TCF20: variants seen among roughly 807,000 people sequenced by gnomAD.
TCF20 encodes SPRE-binding protein.
TCF20 carries 3 observed loss-of-function variants against 148.6 expected under a neutral mutation model. The ratio of observed to expected loss-of-function variants is 0.02; its 90% CI spans 0.01 to 0.05. The LOEUF is 0.05. TCF20 is among the 10% of genes least tolerant of loss of function. The pLI is 1.00. For missense variants in TCF20, 2,350 were observed against 2,429.3 expected (o/e 0.97, Z 0.69); for synonymous variants, 1,049 against 909.5 (o/e 1.15, Z -2.76).
At chr22:42,194,811 G>A (rs1277374863) in intron 2 of TCF20, among the ~76,000 whole-genome samples, 1 of 151,920 alleles carries the variant, frequency 6.6e-6, no homozygotes, top group African/African-American at 2.4e-5. Flanking sequence ...TCTAGTAGTG[G>A]CAGGTCCAAG....
chr22:42,229,634 C>G (rs74915033), intron 1 of TCF20, among the ~76,000 whole-genome samples: 2,025 of 152,276 alleles, frequency 0.013, 22 homozygotes, highest in Non-Finnish European at 0.022. Flanking sequence ...AACCATACTG[C>G]TCACTATTGG....
chr22:42,323,937 G>A lies in TCF20; in HGVS notation c.-37+19542C>T, dbSNP rs375581345. On this transcript the variant is annotated intron_variant, in intron 1 of 1. Coordinates refer to the TCF20 transcript ENST00000515426. ...TGGTGATGGAGGTTATGGTGGTGGT[G>A]GTGGTGATGGAGGTTATGGTGGTGG... Among the ~76,000 whole-genome samples, 170 of 111,698 alleles carry A rather than the reference G, an allele frequency of 1.5e-3. No homozygotes were observed. In the East Asian group the frequency reaches 0.032, roughly 21 times the overall value. The allele number at this position is 111,698 out of a possible 152,430, so 73.3% of individuals were successfully genotyped here.
intron 1 of TCF20, among the ~76,000 whole-genome samples, chr22:42,321,194 G>A (rs902649196): frequency 6.6e-6 from 1 of 152,220 alleles, no homozygotes; most frequent in South Asian, 2.1e-4. Context: ...TCTCAGTGAC[G>A]GACAGAGGCT....
At chr22:42,248,787 T>G (rs755871293) in intron 1 of TCF20, among the ~76,000 whole-genome samples, 1 of 152,212 alleles carries the variant, frequency 6.6e-6, no homozygotes, top group Non-Finnish European at 1.5e-5. Flanking sequence ...AGTTACACCA[T>G]GCTAGGTGGA....
intron 1 of TCF20, among the ~76,000 whole-genome samples, chr22:42,263,752 A>G (rs530981217): frequency 1.6e-4 from 25 of 152,272 alleles, no homozygotes; most frequent in Non-Finnish European, 3.4e-4. Context: ...TCTCTCCTTG[A>G]TATCTTAAGA....
At chr22:42,227,080 C>T (rs1922977272) in intron 1 of TCF20, among the ~76,000 whole-genome samples, 1 of 152,172 alleles carries the variant, frequency 6.6e-6, no homozygotes, top group Non-Finnish European at 1.5e-5. Context: ...GCCAGGAGTT[C>T]AAGACCAGCC....
chr22:42,208,308 G>GA (rs527242822), intron 2 of TCF20, among the ~76,000 whole-genome samples: 4 of 151,856 alleles, frequency 2.6e-5, no homozygotes, highest in Admixed American at 1.3e-4. Flanking sequence ...AAAATATCAA[G>GA]AAAAAAAATA....
chr22:42,179,665 C>T lies in TCF20; in HGVS notation c.5693G>A (p.Gly1898Asp). ...SHCQEAGATL[G>D]CYNKGCSFRY... The stretch of plus-strand genomic sequence containing the variant: ...GAAGGAGCAGCCTTTGTTGTAGCAG[C>T]CCAAGGTGGCGCCTGCCTCCTGGCA... Residue 1898 changes from glycine to aspartate, a missense_variant, in exon 3 of 6, where the codon GGC becomes GAC. This residue lies in a region of TCF20 where 30 missense variants were observed against 59.5 expected (regional missense o/e 0.50). Coordinates refer to ENST00000677622, the MANE Select transcript of TCF20 (RefSeq NM_001378418.1). 6.2e-7 allele frequency: 1 copy of T among 1,614,014 alleles called. No individual in the cohort carries two copies. The highest frequency in any genetic ancestry group is 8.5e-7 in the Non-Finnish European group (1 of 1,179,988).
At position 42,191,236 on chromosome 22, in the gene TCF20, AATG is replaced by A. The variant is rs545453579; in HGVS notation, c.5656-11537_5656-11535del. Among the ~76,000 whole-genome samples the A allele has an allele frequency of 5.3e-5, 8 of 152,314 alleles. No homozygotes were observed. In the South Asian group the frequency reaches 1.5e-3, roughly 28 times the overall value. On this transcript the variant is annotated intron_variant, in intron 2 of 5. Transcript: ENST00000677622. Reference sequence around the variant, plus strand: ...TCAGAAGGCCAACACAGGTGTCACTAATGATGTTTCTTTGTGCTAACCAAACTT... The same window carrying A: ...TCAGAAGGCCAACACAGGTGTCACTAATGTTTCTTTGTGCTAACCAAACTT...
At position 42,279,630 on chromosome 22, in the gene TCF20, G is replaced by A. The variant is rs565647942; in HGVS notation, c.-37+4197C>T. 2.0e-4 allele frequency among the ~76,000 whole-genome samples: 30 copies of A among 152,334 alleles called. No homozygotes were observed. The highest frequency in any genetic ancestry group is 3.4e-3 in the Middle Eastern group (1 of 294). ...GCACACAGTGACTGCGCTTCTCAGT[G>A]CCACAAGTGCTGTTGCCATCATTCC... On this transcript the variant is annotated intron_variant, in intron 1 of 5. Transcript: ENST00000359486. This position sits in a 1 kb window ranked among gnomAD's most constrained non-coding sequence, Gnocchi z 4.3.
upstream of TCF20, among the ~76,000 whole-genome samples, chr22:42,271,929 C>A (rs1007676226): frequency 3.9e-5 from 6 of 151,926 alleles, no homozygotes; most frequent in African/African-American, 1.5e-4. Flanking sequence ...CCCCACCTAG[C>A]CATTGCCTTT....
At chr22:42,310,721 G>T (rs1268626772) in intron 1 of TCF20, among the ~76,000 whole-genome samples, 1 of 152,170 alleles carries the variant, frequency 6.6e-6, no homozygotes, top group Admixed American at 6.5e-5. Context: ...CCAGGCAATG[G>T]GTGGCCAGGC....
In TCF20 at chr22:42,299,774, T is replaced by G; in HGVS notation, c.-37+43705A>C. 6.8e-6 allele frequency among the ~76,000 whole-genome samples: 1 copy of G among 147,210 alleles called. No homozygotes were observed. Among genetic ancestry groups the G allele is most frequent in the Non-Finnish European group, 1.5e-5 (1 of 66,704 alleles). Reference sequence around the variant, plus strand: ...TAGCAGGTACCTGGAGTGGGGTCGGTAAGAGAGAATAGCAGAGGAGGAGGA... The same window carrying G: ...TAGCAGGTACCTGGAGTGGGGTCGGGAAGAGAGAATAGCAGAGGAGGAGGA... On this transcript the variant is annotated intron_variant, in intron 1 of 1. Coordinates refer to the TCF20 transcript ENST00000515426. The surrounding 1 kb of genome is among the most constrained non-coding windows in gnomAD (Gnocchi z 4.1).
At chr22:42,295,634 G>C (rs1465343117) in intron 1 of TCF20, among the ~76,000 whole-genome samples, 1 of 151,930 alleles carries the variant, frequency 6.6e-6, no homozygotes, top group Non-Finnish European at 1.5e-5. Flanking sequence ...GTAGAGACAG[G>C]GTTTCTCCAT....
chr22:42,240,768 G>C (rs1182852359), intron 1 of TCF20, among the ~76,000 whole-genome samples: 2 of 152,108 alleles, frequency 1.3e-5, no homozygotes, highest in Non-Finnish European at 2.9e-5. Context: ...CTGCATCCTA[G>C]GAGTAAGACT....
At chr22:42,281,381 C>G (rs1281243636) in intron 1 of TCF20, among the ~76,000 whole-genome samples, 2 of 152,238 alleles carry the variant, frequency 1.3e-5, no homozygotes, top group African/African-American at 4.8e-5. Context: ...ACCGCCCAGT[C>G]TGTCATCAGG....
intron 1 of TCF20, among the ~76,000 whole-genome samples, chr22:42,313,423 A>G (rs1601703129): frequency 6.6e-6 from 1 of 151,682 alleles, no homozygotes; most frequent in Admixed American, 6.6e-5. Flanking sequence ...CTCTCCCATT[A>G]CCCTCTCAGC....
In TCF20 at chr22:42,330,688, G is replaced by A. The variant is rs574750081; in HGVS notation, c.-37+12791C>T. Among the ~76,000 whole-genome samples, 14 of 152,326 alleles carry A rather than the reference G, an allele frequency of 9.2e-5. No homozygotes were observed. The South Asian group carries it at 2.7e-3, about 29-fold the overall frequency. On this transcript the variant is annotated intron_variant, in intron 1 of 1. Transcript: ENST00000515426. The stretch of plus-strand genomic sequence containing the variant: ...CCTTCAGTGACAACACAGGGCCATC[G>A]GGGTGGCAGGGCCTGCCTTGAGGGC...
At chr22:42,252,780 G>T (rs1021508043) in intron 1 of TCF20, among the ~76,000 whole-genome samples, 1 of 152,000 alleles carries the variant, frequency 6.6e-6, no homozygotes, top group African/African-American at 2.4e-5. Context: ...TGAAACACTA[G>T]AGTAACAATC....
Sources: allele counts gnomAD v4.1 joint callset (sites outside exome capture counted in the v4.1 genomes callset), GRCh38; gene constraint gnomAD v4.1.1; regional missense constraint gnomAD v4.1.1; non-coding constraint Gnocchi (gnomAD v3.1); transcripts MANE v1.5; gene names NCBI Gene and HGNC (gene_info 2026-07-23, HGNC 2026-07-21).